The following ZFPM2 variants were observed in gnomAD, a reference collection of about 807,000 sequenced individuals.
ZFPM2 encodes the protein zinc finger protein, FOG family member 2.
Under a neutral mutation model 98.6 loss-of-function variants are expected in ZFPM2, and 20 were observed. The observed-to-expected ratio is 0.20, with a 90% CI of 0.14 to 0.29. The LOEUF is 0.29. ZFPM2 is among the 10% of genes least tolerant of loss of function. ZFPM2 has a pLI of 1.00. For missense variants in ZFPM2, 1,310 were observed against 1,388.6 expected (o/e 0.94, Z 0.90); for synonymous variants, 518 against 502.7 (o/e 1.03, Z -0.41).
intron 5 of ZFPM2, among the ~76,000 whole-genome samples, chr8:105,663,895 T>C (rs577853983): frequency 2.0e-5 from 3 of 152,216 alleles, no homozygotes; most frequent in Admixed American, 2.0e-4. Context: ...GCAAAGGTAA[T>C]TATGAGAAAT....
At chr8:105,764,263 C>G (rs535818453) in intron 5 of ZFPM2, among the ~76,000 whole-genome samples, 1 of 140,766 alleles carries the variant, frequency 7.1e-6, no homozygotes, top group South Asian at 2.2e-4. Context: ...AAAACTCTCT[C>G]TCTCTTTCTC....
intron 3 of ZFPM2, among the ~76,000 whole-genome samples, chr8:105,517,439 A>G (rs779356928): frequency 5.9e-5 from 9 of 152,178 alleles, no homozygotes; most frequent in South Asian, 2.1e-4. Context: ...TTTACAGTGG[A>G]CAGCATGATG....
chr8:105,336,143 G>A (rs1812321441), intron 1 of ZFPM2, among the ~76,000 whole-genome samples: 1 of 151,754 alleles, frequency 6.6e-6, no homozygotes. Flanking sequence ...TCAGAACTCT[G>A]GAGTCTTTCA....
intron 6 of ZFPM2, among the ~76,000 whole-genome samples, chr8:105,796,261 T>C (rs115970900): frequency 0.02 from 2,488 of 121,956 alleles, 71 homozygotes; most frequent in African/African-American, 0.098. Context: ...CAAAGAAAGA[T>C]TCTAGGAGTA....
intron 1 of ZFPM2, among the ~76,000 whole-genome samples, chr8:105,321,107 T>TC (rs1812015962): frequency 6.6e-6 from 1 of 152,178 alleles, no homozygotes; most frequent in Non-Finnish European, 1.5e-5. Context: ...ACTGGAGTAG[T>TC]CCTCTTCTTT....
At position 105,547,237 on chromosome 8, in the gene ZFPM2, G is replaced by A. The variant is rs1366535549; in HGVS notation, c.302-14126G>A. On this transcript the variant is annotated intron_variant, in intron 3 of 7. Transcript: ENST00000407775. ...TTTATTCTGGATAACTGATATTTAA[G>A]ATGAATAATATAAATAAATTAGAGG... Among the ~76,000 whole-genome samples the A allele has an allele frequency of 2.0e-5, 3 of 151,992 alleles. No homozygotes were observed. The East Asian group carries it at 5.8e-4, about 29-fold the overall frequency.
chr8:105,761,849 T>G (rs1812740127), intron 5 of ZFPM2, among the ~76,000 whole-genome samples: 1 of 151,958 alleles, frequency 6.6e-6, no homozygotes, highest in Non-Finnish European at 1.5e-5. Flanking sequence ...AAAAATTTTT[T>G]TATTCCCCAG....
At chr8:105,322,273 A>AT (rs955700381) in intron 1 of ZFPM2, among the ~76,000 whole-genome samples, 5 of 151,930 alleles carry the variant, frequency 3.3e-5, no homozygotes, top group African/African-American at 4.8e-5. Flanking sequence ...AGAAATGATG[A>AT]TTTTTTTCTT....
At chr8:105,725,911 AC>A (rs1201863382) in intron 5 of ZFPM2, among the ~76,000 whole-genome samples, 1 of 151,764 alleles carries the variant, frequency 6.6e-6, no homozygotes, top group Non-Finnish European at 1.5e-5. Flanking sequence ...ACCCAGTTCA[AC>A]AAAGGTTCTA....
At chr8:105,703,255 T>C (rs1456886145) in intron 5 of ZFPM2, among the ~76,000 whole-genome samples, 7 of 152,200 alleles carry the variant, frequency 4.6e-5, no homozygotes, top group Non-Finnish European at 8.8e-5. Flanking sequence ...ACCCACTGTC[T>C]ACTTGGCACT....
chr8:105,441,457 A>AAGGAAGGAAG (rs1563659923), intron 2 of ZFPM2, among the ~76,000 whole-genome samples: 6 of 81,876 alleles, frequency 7.3e-5, no homozygotes, highest in Non-Finnish European at 9.8e-5. Flanking sequence ...AGAGAGAGAA[A>AAGGAAGGAAG]GAAAGAAAGA....
chr8:105,444,162 A>G (rs915395778), intron 2 of ZFPM2, 118 bp from the exon 3 acceptor site: 2 of 744,296 alleles, frequency 2.7e-6, no homozygotes, highest in Non-Finnish European at 4.6e-6. Context: ...GTGTAATGAC[A>G]ATATGTATAA....
intron 3 of ZFPM2, among the ~76,000 whole-genome samples, chr8:105,534,108 T>TCCC (rs1368551322): frequency 6.3e-5 from 3 of 47,872 alleles, no homozygotes; most frequent in East Asian, 6.1e-4. Flanking sequence ...CCTTCCTCCC[T>TCCC]TCCTTCCTCC....
Position 105,710,479 on chromosome 8 carries a change from T to C in ZFPM2, c.532+76122T>C, listed in dbSNP as rs910008024. On this transcript the variant is annotated intron_variant, in intron 5 of 7. Transcript: ENST00000407775. Reference sequence around the variant, plus strand: ...TAAGCAGATGGTGAAAGGAAATTCTTTTATGTGCATACGACATGAGAATTG... The same window carrying C: ...TAAGCAGATGGTGAAAGGAAATTCTCTTATGTGCATACGACATGAGAATTG... 8.4e-4 allele frequency among the ~76,000 whole-genome samples: 128 copies of C among 152,162 alleles called. 2 individuals carry two copies. The highest frequency in any genetic ancestry group is 2.9e-3 in the African/African-American group (121 of 41,450).
chr8:105,325,127 C>G (rs951188609), intron 1 of ZFPM2, among the ~76,000 whole-genome samples: 32 of 151,926 alleles, frequency 2.1e-4, no homozygotes, highest in African/African-American at 7.7e-4. Context: ...ACACCTGCCA[C>G]TGTGTAAAAT....
intron 1 of ZFPM2, among the ~76,000 whole-genome samples, chr8:105,333,184 A>C (rs1468715789): frequency 6.6e-6 from 1 of 151,780 alleles, no homozygotes; most frequent in Non-Finnish European, 1.5e-5. Flanking sequence ...GAAGTTTAAC[A>C]ATTATTATCT....
At chr8:105,646,784 C>G (rs1393763992) in intron 5 of ZFPM2, among the ~76,000 whole-genome samples, 2 of 152,018 alleles carry the variant, frequency 1.3e-5, no homozygotes, top group Non-Finnish European at 2.9e-5. Flanking sequence ...AGAGTGGGAC[C>G]TGGTGGTGCG....
intron 5 of ZFPM2, among the ~76,000 whole-genome samples, chr8:105,772,875 A>G (rs533133492): frequency 6.6e-6 from 1 of 152,242 alleles, no homozygotes; most frequent in Non-Finnish European, 1.5e-5. Flanking sequence ...TTCTGTTCTT[A>G]CCCTGTTTCA....
intron 4 of ZFPM2, among the ~76,000 whole-genome samples, chr8:105,570,714 T>C (rs1360066296): frequency 6.6e-6 from 1 of 152,184 alleles, no homozygotes; most frequent in African/African-American, 2.4e-5. Flanking sequence ...GGTGAAGTCT[T>C]TCCAGGTTCT....
Sources: gnomAD v4.1 joint callset for allele counts (sites outside exome capture counted in the v4.1 genomes callset) on GRCh38, gnomAD v4.1.1 for gene constraint, MANE v1.5 for transcripts, NCBI Gene and HGNC (gene_info 2026-07-23, HGNC 2026-07-21) for gene names.